NDE1: variants seen among roughly 807,000 people sequenced by gnomAD.
NDE1 encodes the protein nuclear distribution protein nudE homolog 1.
Under a neutral mutation model 43.4 loss-of-function variants are expected in NDE1, and 28 were observed. The ratio of observed to expected loss-of-function variants is 0.65; its 90% confidence interval spans 0.48 to 0.89. NDE1 has a LOEUF of 0.89. Ranked by LOEUF, NDE1 falls within the 40% of genes least tolerant of loss-of-function variation. The probability of loss-of-function intolerance (pLI) is 0.00; values close to 1 mark genes in which losing one functional copy is unlikely to be tolerated. For missense variants in NDE1, 441 were observed against 434.1 expected, an observed-to-expected ratio of 1.02 and a Z score of -0.14; for synonymous variants, 184 against 172.0, an observed-to-expected ratio of 1.07 and a Z score of -0.55.
chr16:15,643,488 G>C (rs1308960897), exon 1 of NDE1: 1 of 403,894 alleles, frequency 2.5e-6, no homozygotes, highest in Non-Finnish European at 4.9e-6. Context: ...TGCCAACCAG[G>C]ATTTAATAGA....
At chr16:15,698,749 T>TG (rs1011208042) in intron 8 of NDE1, among the ~76,000 whole-genome samples, 11 of 151,768 alleles carry the variant, frequency 7.2e-5, no homozygotes, top group African/African-American at 2.7e-4. Flanking sequence ...TAGTCCCAGC[T>TG]GCTTGGGTGG....
At chr16:15,648,014 C>T (rs955078544), upstream of NDE1, among the ~76,000 whole-genome samples, 1 of 138,890 alleles carries the variant, frequency 7.2e-6, no homozygotes, top group African/African-American at 2.7e-5. Flanking sequence ...GCCTATGTCA[C>T]AGGGTGAGAC....
intron 4 of NDE1, among the ~76,000 whole-genome samples, chr16:15,683,027 T>A (rs1027746030): frequency 6.6e-6 from 1 of 151,756 alleles, no homozygotes; most frequent in African/African-American, 2.4e-5. Flanking sequence ...TTTTTTTTTT[T>A]AAAGAGATGG....
chr16:15,672,068 G>A (rs1245521532), intron 3 of NDE1, among the ~76,000 whole-genome samples: 2 of 152,052 alleles, frequency 1.3e-5, no homozygotes, highest in Non-Finnish European at 2.9e-5. Context: ...CTGCAGTTTG[G>A]AGAGGATAAC....
Position 15,696,859 on chromosome 16 carries a change from G to C in NDE1, c.946G>C (p.Gly316Arg). 1.9e-6 allele frequency: 3 copies of C among 1,614,112 alleles called. No individual in the cohort carries two copies. The East Asian group carries it at 6.7e-5, about 36-fold the overall frequency. Reference protein sequence around the residue: ...SSTSVPLGDKGLDTSCRWLSK... With the variant: ...SSTSVPLGDKRLDTSCRWLSK... ...CACCAGCGTGCCTTTGGGTGATAAGGGGTCAGTACCTTCTAATAAACCTCT... is the reference window on the plus strand; with the variant it reads ...CACCAGCGTGCCTTTGGGTGATAAGCGGTCAGTACCTTCTAATAAACCTCT... Residue 316 changes from glycine to arginine, a missense_variant and splice_region_variant, in exon 8 of 9, where the codon GGG becomes CGG. Gly to Arg is a moderately radical substitution (Grantham distance 125). Transcript: ENST00000396354.
intron 8 of NDE1, among the ~76,000 whole-genome samples, chr16:15,709,844 G>T (rs1470182078): frequency 2.0e-5 from 3 of 152,200 alleles, no homozygotes; most frequent in Non-Finnish European, 4.4e-5. Flanking sequence ...CCTCTAGCAA[G>T]AGAGGAGAGG....
chr16:15,694,372 G>T (rs769892687), intron 7 of NDE1, 116 bp downstream of exon 7: 1 of 1,539,688 alleles, frequency 6.5e-7, no homozygotes, highest in South Asian at 1.2e-5. Context: ...TAGAGACAGG[G>T]TCTTGCTCTG....
At chr16:15,711,277 GGCCCTGAGAAAGTCATTTCC>G (rs1362017941) in intron 8 of NDE1, 7 of 152,116 alleles carry the variant, frequency 4.6e-5, no homozygotes, top group Admixed American at 4.6e-4. Flanking sequence ...AACTGAACTG[GGCCCTGAGAAAGTCATTTCC>G]TTTCCAACTC....
intron 8 of NDE1, among the ~76,000 whole-genome samples, chr16:15,715,680 A>G (rs1446291427): frequency 1.3e-5 from 2 of 152,124 alleles, no homozygotes; most frequent in Non-Finnish European, 2.9e-5. Flanking sequence ...GTTGGAGTGC[A>G]GTGGTGCTCC....
intron 8 of NDE1, chr16:15,704,140 AAC>A: frequency 6.2e-7 from 1 of 1,613,764 alleles, no homozygotes. Context: ...GTTGTAAGAA[AAC>A]ACATTATTTA....
At chr16:15,668,071 C>T (rs987164495) in intron 3 of NDE1, among the ~76,000 whole-genome samples, 2 of 151,634 alleles carry the variant, frequency 1.3e-5, no homozygotes, top group African/African-American at 4.8e-5. Context: ...TTTAAGCAGT[C>T]CTCTCACCTG....
At chr16:15,665,533 C>A (rs1185910950) in intron 2 of NDE1, among the ~76,000 whole-genome samples, 2 of 152,034 alleles carry the variant, frequency 1.3e-5, no homozygotes, top group Non-Finnish European at 2.9e-5. Context: ...CAGCCTCCAC[C>A]TCTGGGTTGA....
chr16:15,678,539 A>G (rs914859789), intron 4 of NDE1, among the ~76,000 whole-genome samples: 1 of 151,842 alleles, frequency 6.6e-6, no homozygotes, highest in African/African-American at 2.4e-5. Context: ...TAATTTTTGT[A>G]TCTTTAGTAG....
chr16:15,718,269 G>GGA lies in NDE1; in HGVS notation c.948-5917_948-5916dup, dbSNP rs1567689565. ...TTGACTGGTGCAGGATCCTGCTGCA[G>GGA]GAGAGACAGTAGGCAGCGTGACTGT... On this transcript the variant is annotated intron_variant, in intron 8 of 8. Coordinates refer to ENST00000396354, the MANE Select transcript of NDE1 (RefSeq NM_017668.3). 2.5e-6 allele frequency: 4 copies of GGA among 1,604,714 alleles called. No individual in the cohort carries two copies. The Admixed American group carries it at 5.0e-5, about 20-fold the overall frequency.
chr16:15,717,722 G>A (rs1047471179), intron 8 of NDE1: 13 of 328,076 alleles, frequency 4.0e-5, no homozygotes, highest in Non-Finnish European at 6.3e-5. Context: ...CTTGAACTTG[G>A]GAGGCAGAGG....
At chr16:15,681,262 T>TC in intron 4 of NDE1, among the ~76,000 whole-genome samples, 1 of 83,232 alleles carries the variant, frequency 1.2e-5, no homozygotes, top group African/African-American at 5.0e-5. Flanking sequence ...CCTTTTTTTT[T>TC]TTTTTTTTTT....
intron 1 of NDE1, among the ~76,000 whole-genome samples, chr16:15,657,023 C>G (rs936663331): frequency 6.6e-6 from 1 of 152,082 alleles, no homozygotes; most frequent in African/African-American, 2.4e-5. Context: ...TCCTCACTTC[C>G]GCACTTTATT....
intron 4 of NDE1, among the ~76,000 whole-genome samples, chr16:15,678,934 G>A (rs931873608): frequency 2.0e-5 from 3 of 151,870 alleles, no homozygotes; most frequent in Non-Finnish European, 2.9e-5. Flanking sequence ...AAATTAGCCG[G>A]GCGTGGTGGC....
chr16:15,696,057 T>C (rs942003599), intron 7 of NDE1: 1 of 151,968 alleles, frequency 6.6e-6, no homozygotes, highest in Non-Finnish European at 1.5e-5. Flanking sequence ...AATTTTTTTT[T>C]TTTTTTTAAG....
Sources: allele counts gnomAD v4.1 joint callset (sites outside exome capture counted in the v4.1 genomes callset), GRCh38; gene constraint gnomAD v4.1.1; transcripts MANE v1.5; gene names NCBI Gene and HGNC (gene_info 2026-07-23, HGNC 2026-07-21).